The following MCF2L variants were observed in gnomAD, a reference collection of about 807,000 sequenced individuals.
MCF2L encodes the protein guanine nucleotide exchange factor DBS.
A neutral mutation model predicts 153.4 loss-of-function variants in MCF2L; 97 were observed. That is an observed-to-expected ratio of 0.63 (90% CI 0.54 to 0.75). MCF2L has a LOEUF of 0.75. Among genes scored for constraint, MCF2L ranks in the 30% least tolerant of loss-of-function variants. MCF2L has a pLI of 0.00. For missense variants in MCF2L, 1,347 were observed against 1,495.2 expected (o/e 0.90, Z 1.64); for synonymous variants, 659 against 632.2 (o/e 1.04, Z -0.64).
chr13:112,908,541 A>G (rs1275097865), intron 2 of MCF2L, among the ~76,000 whole-genome samples: 2 of 152,134 alleles, frequency 1.3e-5, no homozygotes, highest in African/African-American at 4.8e-5. Context: ...CAGAGCACAC[A>G]TGATTCTGTG....
chr13:112,966,582 C>G (rs75091610), upstream of MCF2L, among the ~76,000 whole-genome samples: 325 of 152,284 alleles, frequency 2.1e-3, 1 homozygote, highest in Non-Finnish European at 3.4e-3. The surrounding 1 kb of genome is among the most constrained non-coding windows in gnomAD (Gnocchi z 4.1). Context: ...AGTAATAAAG[C>G]CAATGACCAC....
At chr13:113,017,089 C>T (rs559951390) in intron 2 of MCF2L, among the ~76,000 whole-genome samples, 43 of 152,340 alleles carry the variant, frequency 2.8e-4, no homozygotes, top group Non-Finnish European at 5.3e-4. Context: ...CAGATGTGCG[C>T]GGATTTGGAG....
At chr13:113,009,272 C>T (rs2083924995) in intron 1 of MCF2L, 1 of 152,180 alleles carries the variant, frequency 6.6e-6, no homozygotes, top group East Asian at 1.9e-4. Context: ...TCTGGCAGGG[C>T]CTTGTATTTT....
intron 2 of MCF2L, among the ~76,000 whole-genome samples, chr13:112,964,154 G>A (rs1021225360): frequency 6.6e-6 from 1 of 152,214 alleles, no homozygotes; most frequent in Non-Finnish European, 1.5e-5. Context: ...GCCCACCTCG[G>A]ATGGCCCCTG....
chr13:113,093,220 CAGCTGCAGGTGCACTCAGGAGGCCA>C (rs2035369356), intron 26 of MCF2L, among the ~76,000 whole-genome samples: 1 of 152,236 alleles, frequency 6.6e-6, no homozygotes, highest in African/African-American at 2.4e-5. Flanking sequence ...TTGCTGGGGG[CAGCTGCAGGTGCACTCAGGAGGCCA>C]AGCTGCAGGT....
At chr13:112,979,338 A>C in intron 1 of MCF2L, 4 of 1,253,132 alleles carry the variant, frequency 3.2e-6, no homozygotes, top group Non-Finnish European at 4.0e-6. Context: ...AGGCAGGCCC[A>C]GCGGCTGGGT....
rs946370526 is a variant in MCF2L, at chr13:112,941,374, T to A, written c.169+39003T>A. On this transcript the variant is annotated intron_variant, in intron 2 of 29. Coordinates refer to the MCF2L transcript ENST00000375608. The surrounding 1 kb of genome is among the most constrained non-coding windows in gnomAD (Gnocchi z 4.9). Reference sequence around the variant, plus strand: ...AGAAATTATATCAAAATATATATATTTGAATATATTATATAATTTCTATTT... The same window carrying A: ...AGAAATTATATCAAAATATATATATATGAATATATTATATAATTTCTATTT... Among the ~76,000 whole-genome samples the A allele has an allele frequency of 4.0e-5, 6 of 149,540 alleles. No homozygotes were observed. The highest frequency in any genetic ancestry group is 5.9e-5 in the Non-Finnish European group (4 of 67,534).
intron 3 of MCF2L, among the ~76,000 whole-genome samples, chr13:113,039,539 A>G (rs1594788537): frequency 6.6e-6 from 1 of 152,246 alleles, no homozygotes; most frequent in Non-Finnish European, 1.5e-5. Flanking sequence ...GGAAAGCCAC[A>G]GTGTGGAAGC....
intron 11 of MCF2L, 77 bp from the exon 12 acceptor site, chr13:113,075,889 G>T: frequency 8.2e-7 from 1 of 1,213,474 alleles, no homozygotes; most frequent in South Asian, 1.5e-5. Flanking sequence ...AGGACACCCC[G>T]GCAGTGTGTG....
Position 112,979,295 on chromosome 13 carries a change from C to T in MCF2L, c.79+9837C>T, listed in dbSNP as rs528867954. On this transcript the variant is annotated intron_variant, in intron 1 of 29. Coordinates refer to ENST00000535094, the MANE Select transcript of MCF2L (RefSeq NM_001112732.3). Reference sequence around the variant, plus strand: ...AGCCCACGCAAGCCCCCGCCCTGTTCGAGGAAGGAAAGGCCCAGAACTTGC... The same window carrying T: ...AGCCCACGCAAGCCCCCGCCCTGTTTGAGGAAGGAAAGGCCCAGAACTTGC... 19 of 1,136,238 alleles carry T rather than the reference C, an allele frequency of 1.7e-5. No homozygotes were observed. The South Asian group carries it at 3.8e-4, about 23-fold the overall frequency. 70.4% of individuals were successfully genotyped at this position (1,136,238 alleles called of 1,614,324 possible).
chr13:113,087,312 C>A lies in MCF2L; in HGVS notation c.2451C>A (p.Thr817=), dbSNP rs1338866383. 6.2e-7 allele frequency: 1 copy of A among 1,613,224 alleles called. No individual in the cohort carries two copies. Among genetic ancestry groups the A allele is most frequent in the East Asian group, 2.2e-5 (1 of 44,892 alleles). ...SVWTDHKRGH[T]KVKELARFKP... is the part of the protein sequence containing the mutation. ...GGACCGACCACAAGAGGGGCCACACCAAGGTGAAGGAGCTGGCCAGGTTCA... is the reference window on the plus strand; with the variant it reads ...GGACCGACCACAAGAGGGGCCACACAAAGGTGAAGGAGCTGGCCAGGTTCA... The change falls in exon 22 of 30, where the codon ACC becomes ACA. Residue 817 remains threonine (T), a synonymous_variant. Transcript: ENST00000535094.
intron 2 of MCF2L, among the ~76,000 whole-genome samples, chr13:112,952,907 C>G (rs1010980379): frequency 9.9e-5 from 15 of 152,184 alleles, no homozygotes; most frequent in Admixed American, 2.6e-4. Context: ...CCAGAGAGAA[C>G]ACGGGGCGCC....
chr13:113,096,589 G>A lies in MCF2L; in HGVS notation c.3228G>A (p.Val1076=). ...CGACCACTGGCAAGGAGGGCTGGGT[G>A]CCGGCCAGCAGCCTGTCCGTCCGGC... ...RDPTTGKEGW[V]PASSLSVRLG... The change falls in exon 29 of 30, where the codon GTG becomes GTA. Residue 1076 remains valine (V), a synonymous_variant. Coordinates refer to ENST00000535094, the MANE Select transcript of MCF2L (RefSeq NM_001112732.3). The A allele has an allele frequency of 2.5e-6, 4 of 1,603,694 alleles. No individual in the cohort carries two copies. The highest frequency in any genetic ancestry group is 3.4e-6 in the Non-Finnish European group (4 of 1,178,368).
intron 26 of MCF2L, chr13:113,090,849 G>C: frequency 8.7e-7 from 1 of 1,143,692 alleles, no homozygotes; most frequent in South Asian, 1.9e-5. Context: ...CTCTGCTAGC[G>C]CAGAACTAAG....
intron 3 of MCF2L, among the ~76,000 whole-genome samples, chr13:113,039,228 G>A (rs1015828114): frequency 6.6e-6 from 1 of 152,184 alleles, no homozygotes; most frequent in Non-Finnish European, 1.5e-5. Context: ...CTCAGTAAGA[G>A]GAGTGGATGT....
At chr13:113,014,733 T>C (rs778299755) in intron 1 of MCF2L, 30 bp from the exon 2 acceptor site, 2 of 1,601,766 alleles carry the variant, frequency 1.2e-6, no homozygotes, top group Non-Finnish European at 8.5e-7. Context: ...TTCCTGGGAC[T>C]GACACGTGCC....
chr13:112,944,770 G>A (rs2081619619), intron 2 of MCF2L, among the ~76,000 whole-genome samples: 1 of 152,138 alleles, frequency 6.6e-6, no homozygotes, highest in South Asian at 2.1e-4. Context: ...ACAGGCGTGA[G>A]CCACCGCGCC....
intron 2 of MCF2L, among the ~76,000 whole-genome samples, chr13:113,019,560 A>G (rs895785096): frequency 1.3e-5 from 2 of 152,240 alleles, no homozygotes; most frequent in Non-Finnish European, 2.9e-5. Flanking sequence ...AGACGGAGAC[A>G]GGAATCCCGT....
At chr13:112,980,664 C>CGCCTTCCCCTTTCCCCT (rs1441052842) in intron 1 of MCF2L, among the ~76,000 whole-genome samples, 2 of 152,104 alleles carry the variant, frequency 1.3e-5, no homozygotes, top group African/African-American at 4.8e-5. Context: ...CCCTTTCCCC[C>CGCCTTCCCCTTTCCCCT]GCCTTGGGCA....
Sources: gnomAD v4.1 joint callset for allele counts (sites outside exome capture counted in the v4.1 genomes callset) on GRCh38, gnomAD v4.1.1 for gene constraint, Gnocchi (gnomAD v3.1) non-coding constraint, MANE v1.5 for transcripts, NCBI Gene and HGNC (gene_info 2026-07-23, HGNC 2026-07-21) for gene names.